The following KANSL1 variants were observed in gnomAD, a reference collection of about 807,000 sequenced individuals.
KANSL1 encodes the protein KAT8 regulatory NSL complex subunit 1, also known as MLL1/MLL complex subunit KANSL1.
Under a neutral mutation model 103.6 loss-of-function variants are expected in KANSL1, and 22 were observed. The observed-to-expected ratio is 0.21, with a 90% CI of 0.15 to 0.30. KANSL1 has a LOEUF of 0.30. Among genes scored for constraint, KANSL1 ranks in the 10% least tolerant of loss-of-function variants. The probability of loss-of-function intolerance (pLI) is 1.00; values close to 1 mark genes in which losing one functional copy is unlikely to be tolerated. For missense variants in KANSL1, 1,337 were observed against 1,399.8 expected (o/e 0.96, Z 0.72); for synonymous variants, 600 against 527.6 (o/e 1.14, Z -1.88).
chr17:46,031,588 C>A lies in KANSL1; in HGVS notation c.3206G>T (p.Gly1069Val). ...RAARCTRRTS[G>V]SKTGRETEAA... The stretch of plus-strand genomic sequence containing the variant: ...CTCTGTCTCCCGGCCAGTCTTGCTG[C>A]CTGAGGTGCGTCGAGTGCAGCGGGC... The change falls in exon 15 of 15, where the codon GGC (glycine) becomes GTC (valine). Residue 1069 changes from glycine (G) to valine (V), a missense_variant. Gly to Val is a moderately radical substitution (Grantham distance 109). Around this residue, in one of 2 missense-constraint regions of KANSL1, gnomAD observed 780 missense variants for 923.4 expected, o/e 0.84. Transcript: ENST00000432791. The A allele has an allele frequency of 6.2e-7, 1 of 1,614,144 alleles. No homozygotes were observed. The highest frequency in any genetic ancestry group is 8.5e-7 in the Non-Finnish European group (1 of 1,180,010).
chr17:46,101,628 C>T (rs2042317733), intron 2 of KANSL1, among the ~76,000 whole-genome samples: 1 of 151,816 alleles, frequency 6.6e-6, no homozygotes. Flanking sequence ...GTAGCACGCG[C>T]CTGTAATCCC....
At chr17:46,107,918 A>G (rs1263669301) in intron 2 of KANSL1, among the ~76,000 whole-genome samples, 2 of 152,122 alleles carry the variant, frequency 1.3e-5, no homozygotes, top group African/African-American at 4.8e-5. Flanking sequence ...TCAATTGGCA[A>G]ATCTTATTGG....
At chr17:46,180,856 T>C (rs1296897757) in intron 1 of KANSL1, among the ~76,000 whole-genome samples, 3 of 152,048 alleles carry the variant, frequency 2.0e-5, no homozygotes, top group Admixed American at 2.0e-4. Context: ...AGTATATACA[T>C]ATATATATAC....
intron 2 of KANSL1, among the ~76,000 whole-genome samples, chr17:46,149,460 G>A (rs1286721340): frequency 6.6e-6 from 1 of 152,234 alleles, no homozygotes; most frequent in Admixed American, 6.5e-5. Context: ...AGGGCCAGAT[G>A]GCAAATATTT....
upstream of KANSL1, among the ~76,000 whole-genome samples, chr17:46,197,270 C>T (rs2047643193): frequency 6.6e-6 from 1 of 152,244 alleles, no homozygotes; most frequent in African/African-American, 2.4e-5. Flanking sequence ...CTTGTTAATT[C>T]CTCTCTCCAA....
intron 3 of KANSL1, 141 bp downstream of exon 3, chr17:46,094,419 C>CA: frequency 9.6e-7 from 1 of 1,045,496 alleles, no homozygotes; most frequent in Non-Finnish European, 1.4e-6. Context: ...TAAATTAAAC[C>CA]ACTATATCAG....
intron 10 of KANSL1, chr17:46,034,792 C>G (rs1241856861): frequency 1.9e-5 from 3 of 158,488 alleles, no homozygotes; most frequent in Non-Finnish European, 4.1e-5. Context: ...ACCTCCTTCT[C>G]AAAGATCTGA....
intron 4 of KANSL1, among the ~76,000 whole-genome samples, chr17:46,071,188 T>A (rs2078564760): frequency 6.6e-6 from 1 of 152,086 alleles, no homozygotes; most frequent in Non-Finnish European, 1.5e-5. Flanking sequence ...AAAATTGAAG[T>A]CAACAGGCAA....
chr17:46,070,234 T>C (rs1026632547), intron 4 of KANSL1, among the ~76,000 whole-genome samples: 4 of 152,188 alleles, frequency 2.6e-5, no homozygotes, highest in Admixed American at 2.6e-4. Flanking sequence ...TAGTTATCAG[T>C]TGTGGTACAC....
intron 7 of KANSL1, among the ~76,000 whole-genome samples, chr17:46,047,817 AAC>A (rs1289256823): frequency 8.3e-5 from 11 of 133,200 alleles, no homozygotes; most frequent in Non-Finnish European, 1.4e-4. Flanking sequence ...AAAAAAAAAA[AAC>A]AAAAAAAAAA....
intron 4 of KANSL1, among the ~76,000 whole-genome samples, chr17:46,071,489 T>G (rs997255904): frequency 6.6e-6 from 1 of 152,154 alleles, no homozygotes; most frequent in African/African-American, 2.4e-5. Context: ...CACAAACACA[T>G]GTAATTTCAC....
intron 7 of KANSL1, among the ~76,000 whole-genome samples, chr17:46,049,234 C>T (rs968115051): frequency 2.8e-5 from 4 of 142,938 alleles, no homozygotes; most frequent in African/African-American, 7.7e-5. Context: ...CCCCACCATC[C>T]AAGACCTTTT....
Position 46,039,087 on chromosome 17 carries a change from C to T in KANSL1, c.2332G>A (p.Val778Met), listed in dbSNP as rs1472029797. ...ATTTTGCTGTGGTTTGGGTCATGCACGGGTGGTGGTGGGTTGAGCAAGCGC... is the reference window on the plus strand; with the variant it reads ...ATTTTGCTGTGGTTTGGGTCATGCATGGGTGGTGGTGGGTTGAGCAAGCGC... ...AERLLNPPPP[V>M]HDPNHSKMRL... is the part of the protein sequence containing the mutation. Residue 778 changes from valine (V) to methionine (M), a missense_variant, in exon 9 of 15, where the codon GTG becomes ATG. Physicochemically the swap from Val to Met is conservative, Grantham distance 21 (BLOSUM62 1). This residue lies in a region of KANSL1 where 780 missense variants were observed against 923.4 expected (regional missense o/e 0.84). Transcript: ENST00000432791. 12 of 1,612,268 alleles carry T rather than the reference C, an allele frequency of 7.4e-6. No individual in the cohort carries two copies. Among genetic ancestry groups the T allele is most frequent in the African/African-American group, 1.3e-5 (1 of 74,892 alleles).
intron 1 of KANSL1, among the ~76,000 whole-genome samples, chr17:46,189,031 CAAAAAAAAAAAAA>C (rs57566816): frequency 6.5e-3 from 408 of 62,332 alleles, no homozygotes; most frequent in South Asian, 0.017. Flanking sequence ...AAGATTGTCT[CAAAAAAAAAAAAA>C]AAAAAAAAAA....
intron 2 of KANSL1, among the ~76,000 whole-genome samples, chr17:46,157,528 T>C (rs2045495001): frequency 6.6e-6 from 1 of 152,250 alleles, no homozygotes; most frequent in Non-Finnish European, 1.5e-5. Context: ...AATGTACAAT[T>C]ACCTTGAAAA....
At chr17:46,142,318 T>C (rs1432946064) in intron 2 of KANSL1, among the ~76,000 whole-genome samples, 2 of 152,206 alleles carry the variant, frequency 1.3e-5, no homozygotes, top group Non-Finnish European at 2.9e-5. Flanking sequence ...CAAAGAATCA[T>C]AAAAACATTA....
chr17:46,125,020 A>AGGT (rs1408124221), intron 2 of KANSL1, among the ~76,000 whole-genome samples: 1 of 122,642 alleles, frequency 8.2e-6, no homozygotes, highest in Non-Finnish European at 1.8e-5. Context: ...AAGGGAAGGG[A>AGGT]AGGGAGGGGA....
At chr17:46,094,425 A>G in intron 3 of KANSL1, 135 bp downstream of exon 3, 1 of 1,086,088 alleles carries the variant, frequency 9.2e-7, no homozygotes. Flanking sequence ...AAACCACTAT[A>G]TCAGGTCATT....
intron 2 of KANSL1, among the ~76,000 whole-genome samples, chr17:46,097,214 T>C (rs1206277748): frequency 1.3e-5 from 2 of 152,254 alleles, no homozygotes; most frequent in Non-Finnish European, 2.9e-5. Flanking sequence ...GACATCTGTA[T>C]GTATCAACAT....
Sources: gnomAD v4.1 joint callset for allele counts (sites outside exome capture counted in the v4.1 genomes callset) on GRCh38, gnomAD v4.1.1 for gene constraint, gnomAD v4.1.1 regional missense constraint, MANE v1.5 for transcripts, NCBI Gene and HGNC (gene_info 2026-07-23, HGNC 2026-07-21) for gene names.